TENM3: variants seen among roughly 807,000 people sequenced by gnomAD.
TENM3 encodes the protein teneurin-3.
TENM3 carries 63 observed loss-of-function variants against 255.1 expected under a neutral mutation model. The observed-to-expected ratio is 0.25, with a 90% CI of 0.20 to 0.30. The LOEUF is 0.30. Among genes scored for constraint, TENM3 ranks in the 10% least tolerant of loss-of-function variants. The probability of loss-of-function intolerance (pLI) is 1.00; values close to 1 mark genes in which losing one functional copy is unlikely to be tolerated. For missense variants in TENM3, 2,929 were observed against 3,461.1 expected, an observed-to-expected ratio of 0.85 and a Z score of 3.86; for synonymous variants, 1,306 against 1,322.3, an observed-to-expected ratio of 0.99 and a Z score of 0.27.
the TENM3 span, among the ~76,000 whole-genome samples, chr4:181,751,406 C>A: frequency 7.4e-6 from 1 of 134,242 alleles, no homozygotes; most frequent in South Asian, 2.5e-4. Context: ...CTACTACAGC[C>A]TTCCAAAGGA....
rs200331563 is a variant in TENM3, at chr4:182,789,466, G to GA, written c.5601+85dup. 1.1e-3 allele frequency: 1,448 copies of GA among 1,346,638 alleles called. 11 individuals carry two copies. In the African/African-American group the frequency reaches 0.014, roughly 13 times the overall value. 83.4% of individuals were successfully genotyped at this position (1,346,638 alleles called of 1,614,324 possible). A position where few individuals can be genotyped will look rare whatever the true frequency, so the allele number is the denominator to read the frequency against. On this transcript the variant is annotated intron_variant, in intron 25 of 27. Transcript: ENST00000511685. This position sits in a 1 kb window ranked among gnomAD's most constrained non-coding sequence, Gnocchi z 4.4. ...CAGCAATCATCCAGAGCACTAAGGG[G>GA]AAAAAAAACAGTGGCACATGACTGA...
the TENM3 span, among the ~76,000 whole-genome samples, chr4:181,884,283 C>T: frequency 6.7e-6 from 1 of 149,824 alleles, no homozygotes; most frequent in Non-Finnish European, 1.5e-5. Flanking sequence ...TGAAATTTTT[C>T]TAATTTTAAT....
At chr4:182,258,693 AG>A (rs1270110733) in intron 1 of TENM3, among the ~76,000 whole-genome samples, 1 of 152,218 alleles carries the variant, frequency 6.6e-6, no homozygotes, top group Non-Finnish European at 1.5e-5. Flanking sequence ...CAATGTAAAA[AG>A]CAAATCTTTT....
the TENM3 span, among the ~76,000 whole-genome samples, chr4:181,761,264 C>T: frequency 6.6e-6 from 1 of 151,956 alleles, no homozygotes; most frequent in Non-Finnish European, 1.5e-5. Context: ...AAATAAAAAT[C>T]GTGCTTATAC....
chr4:182,793,057 G>A lies in TENM3; in HGVS notation c.6385G>A (p.Ala2129Thr), dbSNP rs1311182289. Residue 2129 changes from alanine (A) to threonine (T), a missense_variant, in exon 26 of 28, where the codon GCT becomes ACT. Ala to Thr is a moderately conservative substitution (Grantham distance 58, BLOSUM62 0). Coordinates refer to ENST00000511685, the MANE Select transcript of TENM3 (RefSeq NM_001080477.4). The surrounding 1 kb of genome is among the most constrained non-coding windows in gnomAD (Gnocchi z 5.7). ...IGPFANTTKY[A>T]YEYDVDGQLQ... ...GCCCTTTGCCAACACCACCAAATAT[G>A]CTTATGAATATGATGTTGATGGACA... 1.1e-5 allele frequency: 17 copies of A among 1,613,782 alleles called. No homozygotes were observed. The highest frequency in any genetic ancestry group is 1.4e-5 in the Non-Finnish European group (17 of 1,179,880).
At chr4:182,049,029 C>T in the TENM3 span, among the ~76,000 whole-genome samples, 1 of 152,042 alleles carries the variant, frequency 6.6e-6, no homozygotes, top group Non-Finnish European at 1.5e-5. Flanking sequence ...GTTGGGTCCT[C>T]ATATCCTTCT....
the TENM3 span, among the ~76,000 whole-genome samples, chr4:182,075,201 T>TTTC: frequency 5.4e-5 from 2 of 36,894 alleles, no homozygotes; most frequent in Non-Finnish European, 5.2e-5. Flanking sequence ...GTTTTTTTTC[T>TTTC]TTTTTTTTTT....
intron 3 of TENM3, among the ~76,000 whole-genome samples, chr4:182,490,156 T>C (rs1209164183): frequency 2.6e-5 from 4 of 152,194 alleles, no homozygotes; most frequent in Admixed American, 2.0e-4. Flanking sequence ...CAATGTAGTA[T>C]TATAAATTGT....
At chr4:181,820,358 C>G in the TENM3 span, 116 of 152,072 alleles carry the variant, frequency 7.6e-4, no homozygotes, top group African/African-American at 2.6e-3. Flanking sequence ...ACAAAAGACT[C>G]CAATAATTTG....
chr4:182,063,790 A>G, the TENM3 span, among the ~76,000 whole-genome samples: 4 of 152,228 alleles, frequency 2.6e-5, no homozygotes, highest in Non-Finnish European at 1.5e-5. Flanking sequence ...GATTAGAACT[A>G]TAAAAAGAAA....
At chr4:181,967,753 G>C in the TENM3 span, among the ~76,000 whole-genome samples, 1 of 152,094 alleles carries the variant, frequency 6.6e-6, no homozygotes, top group Non-Finnish European at 1.5e-5. Context: ...GTAGGATAGA[G>C]GCTCAGAGTC....
the TENM3 span, among the ~76,000 whole-genome samples, chr4:181,552,399 T>G: frequency 6.6e-6 from 1 of 152,204 alleles, no homozygotes; most frequent in African/African-American, 2.4e-5. Context: ...CTTTCCGATA[T>G]CCATTTCTTT....
At chr4:182,783,324 T>G (rs1765336651) in intron 24 of TENM3, among the ~76,000 whole-genome samples, 1 of 151,154 alleles carries the variant, frequency 6.6e-6, no homozygotes. Flanking sequence ...AAGCTTAGTT[T>G]GGCTGGATAT....
At chr4:181,457,268 A>T in the TENM3 span, among the ~76,000 whole-genome samples, 74 of 152,030 alleles carry the variant, frequency 4.9e-4, no homozygotes, top group African/African-American at 1.6e-3. Context: ...TGGACTCTGT[A>T]GGCACTGAAA....
intron 1 of TENM3, among the ~76,000 whole-genome samples, chr4:182,265,135 A>T (rs1850291): frequency 1.0e-3 from 152 of 152,276 alleles, no homozygotes; most frequent in African/African-American, 3.1e-3. Flanking sequence ...TTCCCTCTCA[A>T]AATCAAAGGT....
intron 3 of TENM3, among the ~76,000 whole-genome samples, chr4:182,572,154 T>A (rs1580980367): frequency 6.6e-6 from 1 of 152,234 alleles, no homozygotes; most frequent in East Asian, 1.9e-4. Context: ...TGCCCACCTC[T>A]GCCTCCCAAA....
At chr4:182,390,948 C>T (rs375159863) in intron 3 of TENM3, among the ~76,000 whole-genome samples, 2 of 152,158 alleles carry the variant, frequency 1.3e-5, no homozygotes, top group African/African-American at 4.8e-5. Flanking sequence ...CCAACACAAT[C>T]GTGCACATGG....
At chr4:181,632,519 G>A in the TENM3 span, among the ~76,000 whole-genome samples, 1 of 152,168 alleles carries the variant, frequency 6.6e-6, no homozygotes, top group African/African-American at 2.4e-5. Flanking sequence ...TCTGATTCCA[G>A]GATTCCAGTG....
chr4:181,744,071 G>A, the TENM3 span, among the ~76,000 whole-genome samples: 17 of 152,178 alleles, frequency 1.1e-4, no homozygotes, highest in East Asian at 3.9e-4. Flanking sequence ...GAGAACATGC[G>A]GCGTTTGGTT....
Sources: gnomAD v4.1 joint callset for allele counts (sites outside exome capture counted in the v4.1 genomes callset) on GRCh38, gnomAD v4.1.1 for gene constraint, Gnocchi (gnomAD v3.1) non-coding constraint, MANE v1.5 for transcripts, NCBI Gene and HGNC (gene_info 2026-07-23, HGNC 2026-07-21) for gene names.